The following TNNI3K variants were observed in gnomAD, a reference collection of about 807,000 sequenced individuals.
TNNI3K encodes TNNI3 interacting kinase, also known as serine/threonine-protein kinase TNNI3K.
TNNI3K carries 140 observed loss-of-function variants against 114.5 expected under a neutral mutation model. The observed-to-expected ratio is 1.22, with a 90% confidence interval of 1.07 to 1.41. The LOEUF (loss-of-function observed/expected upper bound fraction) is 1.41. Among genes scored for constraint, TNNI3K ranks in the 40% most tolerant of loss-of-function variants. TNNI3K has a pLI of 0.00. For synonymous variants in TNNI3K, 347 were observed against 347.5 expected (o/e 1.00, Z 0.02); for missense variants, 1,125 against 1,007.6 (o/e 1.12, Z -1.58).
At chr1:74,272,781 T>C (rs778391694) in intron 5 of TNNI3K, among the ~76,000 whole-genome samples, 1 of 151,934 alleles carries the variant, frequency 6.6e-6, no homozygotes, top group Non-Finnish European at 1.5e-5. Context: ...CATCGAATAG[T>C]TTTTATTGCC....
Position 74,494,915 on chromosome 1 carries a change from C to T in TNNI3K, c.2351+2649C>T, listed in dbSNP as rs45449194. Among the ~76,000 whole-genome samples, 296 of 152,222 alleles carry T rather than the reference C, an allele frequency of 1.9e-3. 1 individual carries two copies. Among genetic ancestry groups the T allele is most frequent in the African/African-American group, 6.0e-3 (251 of 41,528 alleles). Reference sequence around the variant, plus strand: ...GGCAAGTCACAGAATTTACAATACACGGAGAGCTACACAGAATAGGAGGCA... The same window carrying T: ...GGCAAGTCACAGAATTTACAATACATGGAGAGCTACACAGAATAGGAGGCA... On this transcript the variant is annotated intron_variant, in intron 23 of 24. Transcript: ENST00000326637.
intron 5 of TNNI3K, among the ~76,000 whole-genome samples, chr1:74,316,152 C>G (rs554017904): frequency 1.4e-4 from 22 of 152,236 alleles, no homozygotes; most frequent in African/African-American, 4.6e-4. Context: ...TAATTCCTAG[C>G]CTCACCAAGC....
rs71078188 is a variant in TNNI3K, at chr1:74,309,366, C to CAAAAAAA, written c.445-22075_445-22069dup. ...CCTGGGCGACAGCGAGACTCTGTCTCAAAAAAAAAAAAAAAGAAGAGATAA... is the reference window on the plus strand; with the variant it reads ...CCTGGGCGACAGCGAGACTCTGTCTCAAAAAAAAAAAAAAAAAAAAAAGAAGAGATAA... On this transcript the variant is annotated intron_variant, in intron 5 of 24. Transcript: ENST00000326637. Among the ~76,000 whole-genome samples, 87 of 24,100 alleles carry CAAAAAAA rather than the reference C, an allele frequency of 3.6e-3. 1 individual carries two copies. The highest frequency in any genetic ancestry group is 8.9e-3 in the South Asian group (3 of 336). 15.8% of individuals were successfully genotyped at this position (24,100 alleles called of 152,430 possible). A position where few individuals can be genotyped will look rare whatever the true frequency, so the allele number is the denominator to read the frequency against.
chr1:74,380,967 G>A (rs1047891818), intron 17 of TNNI3K, among the ~76,000 whole-genome samples: 4 of 152,106 alleles, frequency 2.6e-5, no homozygotes, highest in African/African-American at 4.8e-5. Flanking sequence ...ATCTTAATAA[G>A]TGGAAATTTG....
chr1:74,407,101 T>C (rs1252306111), intron 17 of TNNI3K, among the ~76,000 whole-genome samples: 3 of 152,182 alleles, frequency 2.0e-5, no homozygotes, highest in Admixed American at 6.5e-5. Context: ...GGCATGATGT[T>C]CAACAAAGCC....
intron 20 of TNNI3K, among the ~76,000 whole-genome samples, chr1:74,443,961 C>G (rs1055580427): frequency 4.6e-5 from 7 of 152,092 alleles, no homozygotes; most frequent in African/African-American, 1.7e-4. Context: ...ATTCAACATC[C>G]CTTCATGTTA....
chr1:74,304,653 C>T (rs528252337), intron 5 of TNNI3K, among the ~76,000 whole-genome samples: 2 of 152,086 alleles, frequency 1.3e-5, no homozygotes, highest in South Asian at 2.1e-4. Context: ...CTATGTTTCC[C>T]GGGCTTGTCT....
chr1:74,371,631 T>A (rs1024801656), intron 17 of TNNI3K: 2 of 151,796 alleles, frequency 1.3e-5, no homozygotes, highest in African/African-American at 4.8e-5. Context: ...TTCATTTTAG[T>A]ATACAAAGTG....
chr1:74,315,992 C>T (rs944894049), intron 5 of TNNI3K, among the ~76,000 whole-genome samples: 4 of 152,174 alleles, frequency 2.6e-5, no homozygotes, highest in Admixed American at 6.5e-5. Context: ...TAGGAATTTA[C>T]AATCTGCTAA....
At chr1:74,282,937 C>T (rs1657100171) in intron 5 of TNNI3K, among the ~76,000 whole-genome samples, 2 of 152,060 alleles carry the variant, frequency 1.3e-5, no homozygotes, top group East Asian at 1.9e-4. Context: ...ATATGCCAGC[C>T]GATGCACATC....
At chr1:74,382,198 C>T (rs45560240) in intron 17 of TNNI3K, among the ~76,000 whole-genome samples, 8,445 of 152,252 alleles carry the variant, frequency 0.055, 291 homozygotes, top group Non-Finnish European at 0.08. Context: ...AATTCTCAAT[C>T]GTTTTTGTCA....
intron 4 of TNNI3K, 88 bp downstream of exon 4, chr1:74,250,857 A>C: frequency 2.4e-6 from 3 of 1,231,458 alleles, no homozygotes; most frequent in Non-Finnish European, 3.2e-6. Context: ...TCAAATTAGT[A>C]ATCATGGAAA....
At chr1:74,438,086 T>C (rs542313192) in intron 19 of TNNI3K, among the ~76,000 whole-genome samples, 1 of 151,900 alleles carries the variant, frequency 6.6e-6, no homozygotes, top group South Asian at 2.1e-4. Flanking sequence ...TTAAAGACTA[T>C]GCTGCTAGAA....
chr1:74,511,381 T>G (rs1453055646), intron 23 of TNNI3K, among the ~76,000 whole-genome samples: 1 of 152,050 alleles, frequency 6.6e-6, no homozygotes, highest in Non-Finnish European at 1.5e-5. Context: ...TTAGTAGAGA[T>G]AGGGTTTTGC....
rs564645320 is a variant in TNNI3K at position 74,439,636 on chromosome 1, C to A, written c.2011+14C>A. 1.5e-5 allele frequency: 24 copies of A among 1,610,370 alleles called. No homozygotes were observed. The South Asian group carries it at 2.5e-4, about 17-fold the overall frequency. On this transcript the variant is annotated intron_variant, in intron 20 of 24. Transcript: ENST00000326637. ...ATCTCAAGCCAGGTAAGACACACTG[C>A]AATTGAAGTTTTCCTGTTTTACAGA... is the stretch of plus-strand genomic sequence containing the variant.
intron 22 of TNNI3K, among the ~76,000 whole-genome samples, chr1:74,490,523 G>T (rs1272927607): frequency 6.6e-6 from 1 of 152,190 alleles, no homozygotes; most frequent in East Asian, 1.9e-4. Flanking sequence ...TTGTCTTATT[G>T]TAATATATTG....
At chr1:74,513,545 C>CT (rs572930637) in intron 23 of TNNI3K, among the ~76,000 whole-genome samples, 1 of 152,140 alleles carries the variant, frequency 6.6e-6, no homozygotes, top group Non-Finnish European at 1.5e-5. Context: ...CTTTGTCTTC[C>CT]TTTTTTTCTC....
At chr1:74,322,871 G>A (rs1007708767) in intron 5 of TNNI3K, among the ~76,000 whole-genome samples, 2 of 152,084 alleles carry the variant, frequency 1.3e-5, no homozygotes, top group African/African-American at 2.4e-5. Flanking sequence ...ACTGCAGGAT[G>A]TTACTCACTG....
chr1:74,259,122 G>GGATC (rs1161066712), intron 4 of TNNI3K, among the ~76,000 whole-genome samples: 1 of 152,000 alleles, frequency 6.6e-6, no homozygotes, highest in Non-Finnish European at 1.5e-5. Context: ...TAGGATTAAT[G>GGATC]GATCTATCTA....
Sources: allele counts gnomAD v4.1 joint callset (sites outside exome capture counted in the v4.1 genomes callset), GRCh38; gene constraint gnomAD v4.1.1; transcripts MANE v1.5; gene names NCBI Gene and HGNC (gene_info 2026-07-23, HGNC 2026-07-21).